SPOCD1: variants seen among roughly 807,000 people sequenced by gnomAD.
SPOCD1 encodes the protein SPOC domain containing 1, also known as SPOC domain-containing protein 1.
Under a neutral mutation model 92.2 loss-of-function variants are expected in SPOCD1, and 64 were observed. The ratio of observed to expected loss-of-function variants is 0.69; its 90% CI spans 0.57 to 0.86. SPOCD1 has a LOEUF of 0.86. SPOCD1 is among the 40% of genes least tolerant of loss of function. The pLI is 0.00. For synonymous variants in SPOCD1, 578 were observed against 619.3 expected, an observed-to-expected ratio of 0.93 and a Z score of 0.99; for missense variants, 1,360 against 1,543.1, an observed-to-expected ratio of 0.88 and a Z score of 1.99.
At chr1:31,815,442 G>A in intron 1 of SPOCD1, 70 bp from the exon 2 acceptor site, 1 of 1,154,422 alleles carries the variant, frequency 8.7e-7, no homozygotes. Flanking sequence ...AGTGGGAACT[G>A]GGAGGAGCCC....
rs1197964428 is a variant in SPOCD1 at position 31,801,725 on chromosome 1, C to T, written c.1384-20G>A. On this transcript the variant is annotated intron_variant, in intron 2 of 15. Coordinates refer to ENST00000360482, the MANE Select transcript of SPOCD1 (RefSeq NM_144569.7). ...TTCCTCCTTGGAGAGAAAGAGGATG[C>T]AGAGATTAGAATCCAGAGGACCCAG... 6.2e-7 allele frequency: 1 copy of T among 1,611,272 alleles called. No homozygotes were observed. Among genetic ancestry groups the T allele is most frequent in the South Asian group, 1.1e-5 (1 of 91,018 alleles).
In SPOCD1 at chr1:31,791,038, G is replaced by A. The variant is rs776897831; in HGVS notation, c.3216C>T (p.Ser1072=). The change falls in exon 16 of 16, where the codon AGC becomes AGT. Residue 1072 remains serine (S), a synonymous_variant. Transcript: ENST00000360482. ...TPPPGGAWQQ[S]QGRGSIAPRG... is the part of the protein sequence containing the mutation. ...TTGGAGCTATACTGCCCCTGCCCTGGCTCTGCTGCCAGGCACCTCCTGGGG... is the reference window on the plus strand; with the variant it reads ...TTGGAGCTATACTGCCCCTGCCCTGACTCTGCTGCCAGGCACCTCCTGGGG... 1 of 1,612,372 alleles carries A rather than the reference G, an allele frequency of 6.2e-7. No individual in the cohort carries two copies. Among genetic ancestry groups the A allele is most frequent in the Non-Finnish European group, 8.5e-7 (1 of 1,179,586 alleles).
chr1:31,806,233 T>C (rs572720833), intron 2 of SPOCD1, among the ~76,000 whole-genome samples: 19 of 64,028 alleles, frequency 3.0e-4, no homozygotes, highest in African/African-American at 6.3e-4. Flanking sequence ...AAAAAATAAT[T>C]AATGAAATCA....
rs377264228 is a variant in SPOCD1, at chr1:31,795,840, CA to C, written c.2271+749del. The C allele has an allele frequency of 7.4e-4, 114 of 153,622 alleles. No individual in the cohort carries two copies. In the South Asian group the frequency reaches 0.022, roughly 30 times the overall value. The allele number at this position is 153,622 out of a possible 1,614,324, so 9.5% of individuals were successfully genotyped here. On this transcript the variant is annotated intron_variant, in intron 10 of 15. Transcript: ENST00000360482. Reference sequence around the variant, plus strand: ...GCCCTGCACCCCTCTCCTGAACAGGCAGCTGATGAGACCCAGGTGAACATCT... The same window carrying C: ...GCCCTGCACCCCTCTCCTGAACAGGCGCTGATGAGACCCAGGTGAACATCT...
chr1:31,792,017 C>T (rs750841092), intron 15 of SPOCD1, 198 bp downstream of exon 15: 15 of 626,936 alleles, frequency 2.4e-5, no homozygotes, highest in Non-Finnish European at 3.6e-5. Flanking sequence ...CTAGGTAAAG[C>T]TTTTAGAACA....
Position 31,791,297 on chromosome 1 carries a change from G to A in SPOCD1, c.2963-6C>T. On this transcript the variant is annotated splice_polypyrimidine_tract_variant and splice_region_variant and intron_variant, in intron 15 of 15. Transcript: ENST00000360482. ...GACAGGAAGAGCCCAAAGGCCTGCG[G>A]GGAAGAACTGTGTTCAGCTTAGCTG... 4 of 1,507,402 alleles carry A rather than the reference G, an allele frequency of 2.7e-6. No homozygotes were observed. Among genetic ancestry groups the A allele is most frequent in the Non-Finnish European group, 1.8e-6 (2 of 1,127,772 alleles). The allele number at this position is 1,507,402 out of a possible 1,614,324, so 93.4% of individuals were successfully genotyped here. A position where few individuals can be genotyped will look rare whatever the true frequency, so the allele number is the denominator to read the frequency against.
chr1:31,799,973 T>C (rs369161231), intron 5 of SPOCD1, 43 bp downstream of exon 5: 378 of 1,611,334 alleles, frequency 2.3e-4, no homozygotes, highest in Non-Finnish European at 2.6e-4. Context: ...CCCTGACCCA[T>C]GCTCCAGTGA....
In SPOCD1 at chr1:31,798,437, C is replaced by T; in HGVS notation, c.2028+5G>A. The T allele has an allele frequency of 5.6e-6, 9 of 1,604,910 alleles. No individual in the cohort carries two copies. The highest frequency in any genetic ancestry group is 7.7e-6 in the Non-Finnish European group (9 of 1,174,880). On this transcript the variant is annotated splice_donor_5th_base_variant and intron_variant, in intron 8 of 15. Transcript: ENST00000360482. This position sits in a 1 kb window ranked among gnomAD's most constrained non-coding sequence, Gnocchi z 4.1. ...GGACGCAGCCCAGCCCAAAGCCCTG[C>T]TCACCAGGTTCCTGGGGTCCCGCAG...
chr1:31,795,783 TACTG>T (rs1647968504), intron 10 of SPOCD1: 1 of 152,316 alleles, frequency 6.6e-6, no homozygotes, highest in Non-Finnish European at 1.5e-5. Flanking sequence ...CCCATAAATA[TACTG>T]ACTGACTGAA....
rs1229957445 is a variant in SPOCD1 at position 31,792,753 on chromosome 1, C to T, written c.2700G>A (p.Val900=). The T allele has an allele frequency of 6.2e-7, 1 of 1,605,398 alleles. No homozygotes were observed. The highest frequency in any genetic ancestry group is 8.5e-7 in the Non-Finnish European group (1 of 1,176,408). ...AGGGGATGCAGCCTGCCGAGCGGAT[C>T]ACGGTGGGCAGAGCCTAGGGGCAGG... The part of the protein sequence containing the change: ...SCRLVQALPT[V]IRSAGCIPSN... The change falls in exon 14 of 16, where the codon GTG becomes GTA. Residue 900 remains valine, a synonymous_variant. Transcript: ENST00000360482.
intron 2 of SPOCD1, among the ~76,000 whole-genome samples, chr1:31,811,200 A>C (rs1649173961): frequency 6.6e-6 from 1 of 152,232 alleles, no homozygotes; most frequent in African/African-American, 2.4e-5. Context: ...AGCCAGGCGC[A>C]GTGGCTCATG....
intron 2 of SPOCD1, among the ~76,000 whole-genome samples, chr1:31,805,454 A>T (rs539927680): frequency 6.6e-6 from 1 of 152,320 alleles, no homozygotes; most frequent in South Asian, 2.1e-4. Context: ...GGCCGGGTGC[A>T]GTGGCTCACA....
chr1:31,814,785 T>G lies in SPOCD1; in HGVS notation c.549A>C (p.Thr183=), dbSNP rs1442641999. The change falls in exon 2 of 16, where the codon ACA becomes ACC. Residue 183 remains threonine, a synonymous_variant. Transcript: ENST00000360482. This position sits in a 1 kb window ranked among gnomAD's most constrained non-coding sequence, Gnocchi z 4.2. ...TTCCAGGGGGCTCCTCTTTGCTGAG[T>G]GTGGGGCTTCTTCTGTCACACCCTG... ...SSPGCDRRSP[T]LSKEEPPGRP... 2 of 1,613,492 alleles carry G rather than the reference T, an allele frequency of 1.2e-6. No individual in the cohort carries two copies. Among genetic ancestry groups the G allele is most frequent in the South Asian group, 2.2e-5 (2 of 91,040 alleles).
At chr1:31,793,464 C>G in intron 12 of SPOCD1, 36 bp from the exon 13 acceptor site, 1 of 1,564,974 alleles carries the variant, frequency 6.4e-7, no homozygotes. Context: ...CCAGACAGAG[C>G]AGGCCATGAG....
intron 1 of SPOCD1, 72 bp from the exon 2 acceptor site, chr1:31,815,444 G>A (rs1343351825): frequency 2.6e-6 from 3 of 1,132,404 alleles, no homozygotes; most frequent in African/African-American, 1.6e-5. Flanking sequence ...TGGGAACTGG[G>A]AGGAGCCCCT....
intron 11 of SPOCD1, 21 bp downstream of exon 11, chr1:31,794,103 C>T: frequency 1.2e-6 from 2 of 1,608,422 alleles, no homozygotes; most frequent in Non-Finnish European, 1.7e-6. Context: ...ACCCCTGCAC[C>T]CCTCCCGTGT....
rs749083929 is a variant in SPOCD1, at chr1:31,790,906, G to A, written c.3348C>T (p.Gly1116=). 1.9e-6 allele frequency: 3 copies of A among 1,584,946 alleles called. No individual in the cohort carries two copies. The African/African-American group carries it at 4.1e-5, about 21-fold the overall frequency. The part of the protein sequence containing the change: ...PGRGQWPPEP[G]LRQSQHPYSV... ...AATAGGGATGCTGGGACTGGCGCAA[G>A]CCTGGCTCTGGGGGCCACTGCCCTC... The change falls in exon 16 of 16, where the codon GGC becomes GGT. Residue 1116 remains glycine (G), a synonymous_variant. Coordinates refer to ENST00000360482, the MANE Select transcript of SPOCD1 (RefSeq NM_144569.7).
chr1:31,812,522 A>G (rs1358728217), intron 2 of SPOCD1, among the ~76,000 whole-genome samples: 1 of 152,242 alleles, frequency 6.6e-6, no homozygotes. Context: ...GAGCCTATTT[A>G]TAGGTAAAAA....
intron 2 of SPOCD1, among the ~76,000 whole-genome samples, chr1:31,803,881 G>A (rs57409755): frequency 1.3e-5 from 2 of 150,816 alleles, no homozygotes; most frequent in South Asian, 4.2e-4. Context: ...AGGAAGGAAG[G>A]AAGAAAGGAA....
Sources: gnomAD v4.1 joint callset for allele counts (sites outside exome capture counted in the v4.1 genomes callset) on GRCh38, gnomAD v4.1.1 for gene constraint, Gnocchi (gnomAD v3.1) non-coding constraint, MANE v1.5 for transcripts, NCBI Gene and HGNC (gene_info 2026-07-23, HGNC 2026-07-21) for gene names.